The following PCDHA5 variants were observed in gnomAD, a reference collection of about 807,000 sequenced individuals.
PCDHA5 encodes the protein protocadherin alpha-5.
Under a neutral mutation model 61.6 loss-of-function variants are expected in PCDHA5, and 43 were observed. The observed-to-expected ratio is 0.70, with a 90% CI of 0.55 to 0.90. The LOEUF is 0.90. PCDHA5 is among the 40% of genes least tolerant of loss of function. The pLI, the probability that PCDHA5 is intolerant of heterozygous loss-of-function variation, is 0.00. For missense variants in PCDHA5, 1,298 were observed against 1,222.7 expected (o/e 1.06, Z -0.92); for synonymous variants, 627 against 543.9 (o/e 1.15, Z -2.13).
chr5:140,878,856 G>T (rs1210501065), intron 1 of PCDHA5, among the ~76,000 whole-genome samples: 1 of 152,168 alleles, frequency 6.6e-6, no homozygotes, highest in Admixed American at 6.5e-5. Flanking sequence ...GGGTTCAACT[G>T]ATCCTCCATT....
chr5:140,949,075 C>G (rs1459435331), intron 1 of PCDHA5, among the ~76,000 whole-genome samples: 1 of 151,470 alleles, frequency 6.6e-6, no homozygotes, highest in Non-Finnish European at 1.5e-5. Flanking sequence ...ACTCTTTCAC[C>G]CATTTATTAC....
intron 1 of PCDHA5, chr5:140,928,175 G>A (rs782432136): frequency 6.8e-6 from 11 of 1,614,032 alleles, no homozygotes; most frequent in African/African-American, 1.3e-5. Flanking sequence ...CTTAGCACCC[G>A]AAGGACAATC....
intron 1 of PCDHA5, among the ~76,000 whole-genome samples, chr5:140,940,983 C>T (rs572659107): frequency 6.6e-6 from 1 of 152,176 alleles, no homozygotes; most frequent in Non-Finnish European, 1.5e-5. Context: ...TATCTAGTTA[C>T]AAGTTTATAG....
intron 2 of PCDHA5, among the ~76,000 whole-genome samples, chr5:140,979,586 C>T (rs1554240859): frequency 6.6e-6 from 1 of 152,188 alleles, no homozygotes; most frequent in Admixed American, 6.5e-5. Context: ...CCAAATCTAG[C>T]TTACTTTAAA....
intron 1 of PCDHA5, chr5:140,868,220 A>C (rs1360862031): frequency 6.6e-6 from 1 of 152,156 alleles, no homozygotes; most frequent in Admixed American, 6.5e-5. Context: ...TATATGTCAA[A>C]TAAAAACTCA....
chr5:140,893,795 C>T (rs1030354295), intron 1 of PCDHA5, among the ~76,000 whole-genome samples: 34 of 152,002 alleles, frequency 2.2e-4, no homozygotes, highest in African/African-American at 7.7e-4. Context: ...TTAGAATTCC[C>T]TCCTTGTCTT....
At chr5:140,842,129 G>A (rs1181203703) in intron 1 of PCDHA5, 2 of 1,613,748 alleles carry the variant, frequency 1.2e-6, no homozygotes, top group Non-Finnish European at 1.7e-6. Context: ...TTCTGATCCG[G>A]ATGAAGGAGC....
At chr5:140,894,365 A>G (rs1375287003) in intron 1 of PCDHA5, among the ~76,000 whole-genome samples, 4 of 151,966 alleles carry the variant, frequency 2.6e-5, no homozygotes, top group African/African-American at 7.2e-5. Context: ...TTCTTCTTCA[A>G]TGGCTCCAAT....
At chr5:140,826,934 G>C (rs1192705662) in intron 1 of PCDHA5, among the ~76,000 whole-genome samples, 1 of 152,116 alleles carries the variant, frequency 6.6e-6, no homozygotes, top group East Asian at 1.9e-4. Flanking sequence ...GGACTTAGGT[G>C]GATGTGGAAT....
chr5:140,952,303 AC>A (rs1554220328), intron 1 of PCDHA5, among the ~76,000 whole-genome samples: 1 of 147,998 alleles, frequency 6.8e-6, no homozygotes, highest in African/African-American at 2.5e-5. Flanking sequence ...CAGCCATTTC[AC>A]TCCAGCCTGG....
chr5:140,821,684 A>C lies in PCDHA5; in HGVS notation c.-92A>C. 1 of 1,353,542 alleles carries C rather than the reference A, an allele frequency of 7.4e-7. No homozygotes were observed. The highest frequency in any genetic ancestry group is 1.0e-6 in the Non-Finnish European group (1 of 990,256). The allele number at this position is 1,353,542 out of a possible 1,614,324, so 83.8% of individuals were successfully genotyped here. A position where few individuals can be genotyped will look rare whatever the true frequency, so the allele number is the denominator to read the frequency against. ...TGCCAAGAAGCTCAGAAAGGCGATA[A>C]TATAAAAAATATATAGTTAATTGGG... On this transcript the variant is annotated 5_prime_UTR_variant, in exon 1 of 4. Transcript: ENST00000529859.
intron 1 of PCDHA5, chr5:140,856,935 A>C: frequency 6.3e-7 from 1 of 1,594,236 alleles, no homozygotes; most frequent in South Asian, 1.1e-5. Flanking sequence ...TGGATAAACG[A>C]AAGGACGGGA....
chr5:140,913,117 GT>G (rs1393810466), intron 1 of PCDHA5, among the ~76,000 whole-genome samples: 23 of 152,262 alleles, frequency 1.5e-4, no homozygotes, highest in Admixed American at 5.2e-4. Flanking sequence ...CAGTTTGGAA[GT>G]TAACCCCTCC....
At chr5:140,978,694 G>A (rs1184051557) in intron 1 of PCDHA5, among the ~76,000 whole-genome samples, 1 of 152,258 alleles carries the variant, frequency 6.6e-6, no homozygotes, top group African/African-American at 2.4e-5. Context: ...GCAAGGCAAA[G>A]CCAAAGGTGG....
chr5:140,835,085 C>T (rs2150230592), intron 1 of PCDHA5: 2 of 1,227,056 alleles, frequency 1.6e-6, no homozygotes, highest in Admixed American at 2.4e-5. Context: ...CGGTACTGGA[C>T]AACAATGACA....
At chr5:140,868,874 A>G (rs547590599) in intron 1 of PCDHA5, 25 of 646,974 alleles carry the variant, frequency 3.9e-5, no homozygotes, top group Middle Eastern at 8.7e-4. Flanking sequence ...AGTGCACAGT[A>G]CTCACAGTTT....
chr5:140,865,755 A>C (rs1390578535), intron 1 of PCDHA5: 1 of 152,226 alleles, frequency 6.6e-6, no homozygotes, highest in Non-Finnish European at 1.5e-5. Flanking sequence ...GTGCCAGTAC[A>C]TGGTGGAGAT....
chr5:140,823,537 C>T lies in PCDHA5; in HGVS notation c.1762C>T (p.His588Tyr). 6.2e-7 allele frequency: 1 copy of T among 1,613,812 alleles called. No individual in the cohort carries two copies. Among genetic ancestry groups the T allele is most frequent in the Non-Finnish European group, 8.5e-7 (1 of 1,179,870 alleles). The stretch of plus-strand genomic sequence containing the variant: ...GGTGCCGAGGTCAGTGGGTGCGGGC[C>T]ACGTGGTGGCGAAGGTGCGCGCAGT... ...ELVPRSVGAG[H>Y]VVAKVRAVDP... The change falls in exon 1 of 4, where the codon CAC becomes TAC. Residue 588 changes from histidine (H) to tyrosine (Y), a missense_variant. By Grantham distance (83) the His-to-Tyr change is moderately conservative (BLOSUM62 2). Coordinates refer to ENST00000529859, the MANE Select transcript of PCDHA5 (RefSeq NM_018908.3).
rs2150116149 is a variant in PCDHA5, at chr5:140,822,407, T to C, written c.632T>C (p.Val211Ala). ...GAAACACAAGAACACCGTTTATTAG[T>C]GATTGCAACTGATGGAGGAAAACCC... ...REETQEHRLLVIATDGGKPEL... is the reference protein window; with the variant it reads ...REETQEHRLLAIATDGGKPEL... The change falls in exon 1 of 4, where the codon GTG (valine) becomes GCG (alanine). Residue 211 changes from valine (V) to alanine (A), a missense_variant. By Grantham distance (64) the Val-to-Ala change is moderately conservative. Coordinates refer to ENST00000529859, the MANE Select transcript of PCDHA5 (RefSeq NM_018908.3). 1 of 1,614,074 alleles carries C rather than the reference T, an allele frequency of 6.2e-7. No individual in the cohort carries two copies. Among genetic ancestry groups the C allele is most frequent in the Non-Finnish European group, 8.5e-7 (1 of 1,180,032 alleles).
Sources: gnomAD v4.1 joint callset for allele counts (sites outside exome capture counted in the v4.1 genomes callset) on GRCh38, gnomAD v4.1.1 for gene constraint, MANE v1.5 for transcripts, NCBI Gene and HGNC (gene_info 2026-07-23, HGNC 2026-07-21) for gene names.